The following CYTH1 variants were observed in gnomAD, a reference collection of about 807,000 sequenced individuals.
The protein encoded by CYTH1 is cytohesin-1.
Under a neutral mutation model 61.8 loss-of-function variants are expected in CYTH1, and 18 were observed. The observed-to-expected ratio is 0.29, with a 90% CI of 0.20 to 0.43. CYTH1 has a LOEUF of 0.43. Among genes scored for constraint, CYTH1 ranks in the 20% least tolerant of loss-of-function variants. The probability of loss-of-function intolerance (pLI) is 1.00; values close to 1 mark genes in which losing one functional copy is unlikely to be tolerated. For missense variants in CYTH1, 336 were observed against 510.5 expected, an observed-to-expected ratio of 0.66 and a Z score of 3.29; for synonymous variants, 174 against 184.3, an observed-to-expected ratio of 0.94 and a Z score of 0.45.
intron 1 of CYTH1, among the ~76,000 whole-genome samples, chr17:78,716,137 T>C (rs1211225714): frequency 6.6e-6 from 1 of 152,132 alleles, no homozygotes; most frequent in Admixed American, 6.5e-5. Flanking sequence ...TCCTCATCCA[T>C]CATAGGCAGA....
At chr17:78,780,967 G>A in intron 1 of CYTH1, among the ~76,000 whole-genome samples, 1 of 151,970 alleles carries the variant, frequency 6.6e-6, no homozygotes, top group East Asian at 1.9e-4. Flanking sequence ...CCGAGATGGC[G>A]CCACTGCACT....
rs774248624 is a variant in CYTH1, at chr17:78,680,311, C to T, written c.997G>A (p.Asp333Asn). 16 of 1,613,946 alleles carry T rather than the reference C, an allele frequency of 9.9e-6. No individual in the cohort carries two copies. In the Admixed American group the frequency reaches 2.3e-4, roughly 24 times the overall value. ...CFELYIPDNK[D>N]QVIKACKTEA... is the part of the protein sequence containing the mutation. Reference sequence around the variant, plus strand: ...GTCTTGCAGGCCTTGATAACTTGGTCTTTATTGTCGGGGATATAAAGCTCA... The same window carrying T: ...GTCTTGCAGGCCTTGATAACTTGGTTTTTATTGTCGGGGATATAAAGCTCA... Residue 333 changes from aspartate (D) to asparagine (N), a missense_variant, in exon 13 of 14, where the codon GAC becomes AAC. Asp to Asn is a conservative substitution (Grantham distance 23). This residue lies in a region of CYTH1 where 83 missense variants were observed against 115.6 expected (regional missense o/e 0.72). Coordinates refer to ENST00000446868, the MANE Select transcript of CYTH1 (RefSeq NM_004762.6).
At chr17:78,727,549 G>A (rs988985222) in intron 1 of CYTH1, 31 of 376,042 alleles carry the variant, frequency 8.2e-5, no homozygotes, top group African/African-American at 5.5e-4. Flanking sequence ...GAGTTGCCCC[G>A]AGTCCGGGTT....
intron 10 of CYTH1, 89 bp downstream of exon 10, chr17:78,695,918 A>C (rs761192026): frequency 5.0e-5 from 68 of 1,361,658 alleles, no homozygotes; most frequent in Non-Finnish European, 6.5e-5. Flanking sequence ...CAATTAAAAA[A>C]CAAAATAACC....
rs189326043 is a variant in CYTH1 at position 78,690,730 on chromosome 17, C to T, written c.891+1687G>A. Among the ~76,000 whole-genome samples, 96 of 152,228 alleles carry T rather than the reference C, an allele frequency of 6.3e-4. 1 individual carries two copies. Among genetic ancestry groups the T allele is most frequent in the Non-Finnish European group, 1.0e-3 (69 of 68,020 alleles). Reference sequence around the variant, plus strand: ...AAAAAAGTATTTTTCTCTGTATTTCCATTGCTTGATAAAATGCTACACTTT... The same window carrying T: ...AAAAAAGTATTTTTCTCTGTATTTCTATTGCTTGATAAAATGCTACACTTT... On this transcript the variant is annotated intron_variant, in intron 11 of 13. Transcript: ENST00000446868.
intron 1 of CYTH1, among the ~76,000 whole-genome samples, chr17:78,769,064 T>C (rs2093460340): frequency 6.6e-6 from 1 of 151,760 alleles, no homozygotes; most frequent in Non-Finnish European, 1.5e-5. Flanking sequence ...GAGAATCACT[T>C]GAACCCAGGA....
At chr17:78,780,137 C>CT (rs1353163698) in intron 1 of CYTH1, among the ~76,000 whole-genome samples, 24 of 152,216 alleles carry the variant, frequency 1.6e-4, no homozygotes, top group Non-Finnish European at 1.5e-5. Context: ...GGCAAAACTG[C>CT]TGTCGGCTTC....
intron 1 of CYTH1, among the ~76,000 whole-genome samples, chr17:78,765,235 C>T (rs1353569881): frequency 6.6e-6 from 1 of 152,114 alleles, no homozygotes; most frequent in East Asian, 1.9e-4. Flanking sequence ...CATCAGTAGA[C>T]TCAAAGAGAA....
chr17:78,731,566 T>G lies in CYTH1; in HGVS notation c.23-21834A>C, dbSNP rs191972412. Among the ~76,000 whole-genome samples, 1,203 of 152,174 alleles carry G rather than the reference T, an allele frequency of 7.9e-3. 15 individuals are homozygous for G. Among genetic ancestry groups the G allele is most frequent in the African/African-American group, 0.028 (1,158 of 41,516 alleles). ...CGAGGTCAGGAGATCGAGACCATCCTAGCTAACACGGTGAAACCCCGTCTC... is the reference window on the plus strand; with the variant it reads ...CGAGGTCAGGAGATCGAGACCATCCGAGCTAACACGGTGAAACCCCGTCTC... On this transcript the variant is annotated intron_variant, in intron 1 of 13. Coordinates refer to ENST00000446868, the MANE Select transcript of CYTH1 (RefSeq NM_004762.6).
At chr17:78,742,881 AAAAT>A (rs2093346614) in intron 1 of CYTH1, among the ~76,000 whole-genome samples, 1 of 152,174 alleles carries the variant, frequency 6.6e-6, no homozygotes. Flanking sequence ...AGTAAAATAA[AAAAT>A]AAAGTGCTAG....
Position 78,700,504 on chromosome 17 carries a change from T to C in CYTH1, c.438-61A>G, listed in dbSNP as rs2092996933. The C allele has an allele frequency of 7.5e-7, 1 of 1,327,396 alleles. No homozygotes were observed. The highest frequency in any genetic ancestry group is 1.0e-6 in the Non-Finnish European group (1 of 965,506). The allele number at this position is 1,327,396 out of a possible 1,614,324, so 82.2% of individuals were successfully genotyped here. On this transcript the variant is annotated intron_variant, in intron 6 of 13. Coordinates refer to ENST00000446868, the MANE Select transcript of CYTH1 (RefSeq NM_004762.6). The surrounding 1 kb of genome is among the most constrained non-coding windows in gnomAD (Gnocchi z 5.1). Reference sequence around the variant, plus strand: ...GGAGGCAATTTATTTCTCTATGAATTGTTAAACTGCCAATGATTTTTTTTT... The same window carrying C: ...GGAGGCAATTTATTTCTCTATGAATCGTTAAACTGCCAATGATTTTTTTTT...
At chr17:78,681,091 C>A (rs754086610) in intron 11 of CYTH1, 49 bp from the exon 12 acceptor site, 19 of 1,579,348 alleles carry the variant, frequency 1.2e-5, no homozygotes, top group Non-Finnish European at 7.8e-6. Context: ...TTTAAGGACA[C>A]ACACTGTCAG....
chr17:78,737,872 G>GAC, intron 1 of CYTH1, among the ~76,000 whole-genome samples: 1 of 68,924 alleles, frequency 1.5e-5, no homozygotes, highest in African/African-American at 9.0e-5. Context: ...CTCTTCTATA[G>GAC]ATACACACAC....
At chr17:78,732,336 A>C (rs1236169447) in intron 1 of CYTH1, among the ~76,000 whole-genome samples, 1 of 152,172 alleles carries the variant, frequency 6.6e-6, no homozygotes, top group Non-Finnish European at 1.5e-5. Flanking sequence ...AATGAAGAGA[A>C]AACTTGGGAG....
intron 1 of CYTH1, among the ~76,000 whole-genome samples, chr17:78,763,648 T>TA (rs1302604484): frequency 1.2e-4 from 19 of 152,210 alleles, no homozygotes; most frequent in African/African-American, 4.6e-4. Flanking sequence ...TATGCTGTAA[T>TA]AAGAGTTACG....
chr17:78,712,150 AAGGAAGGGAGGG>A (rs2093139959), intron 1 of CYTH1, among the ~76,000 whole-genome samples: 1 of 69,658 alleles, frequency 1.4e-5, no homozygotes, highest in Admixed American at 1.7e-4. Flanking sequence ...GGGAAGGAGG[AAGGAAGGGAGGG>A]AGGGAGGGAG....
chr17:78,685,897 G>A (rs182809808), intron 11 of CYTH1, among the ~76,000 whole-genome samples: 4 of 152,178 alleles, frequency 2.6e-5, no homozygotes, highest in African/African-American at 9.7e-5. Flanking sequence ...AAAAGCTGCT[G>A]GAGATGATCT....
chr17:78,782,074 C>G, intron 1 of CYTH1, 128 bp downstream of exon 1: 1 of 879,642 alleles, frequency 1.1e-6, no homozygotes, highest in Non-Finnish European at 1.4e-6. Context: ...CGCCGGTCGC[C>G]CCGGGCTCCG....
rs539555928 is a variant in CYTH1 at position 78,753,616 on chromosome 17, A to G, written c.22+28586T>C. Among the ~76,000 whole-genome samples, 24 of 152,348 alleles carry G rather than the reference A, an allele frequency of 1.6e-4. No homozygotes were observed. In the East Asian group the frequency reaches 4.6e-3, roughly 29 times the overall value. ...CTGCCCTTAGGGAATCTAACAGTAG[A>G]TTATAAACATTAACTGAGCAGTAAT... On this transcript the variant is annotated intron_variant, in intron 1 of 13. Coordinates refer to ENST00000446868, the MANE Select transcript of CYTH1 (RefSeq NM_004762.6).
Sources: allele counts gnomAD v4.1 joint callset (sites outside exome capture counted in the v4.1 genomes callset), GRCh38; gene constraint gnomAD v4.1.1; regional missense constraint gnomAD v4.1.1; non-coding constraint Gnocchi (gnomAD v3.1); transcripts MANE v1.5; gene names NCBI Gene and HGNC (gene_info 2026-07-23, HGNC 2026-07-21).